Variants in WWOX observed in about 807,000 individuals in gnomAD.
The protein encoded by WWOX is WW domain-containing oxidoreductase.
A neutral mutation model predicts 46.2 loss-of-function variants in WWOX; 69 were observed. The ratio of observed to expected loss-of-function variants is 1.49; its 90% CI spans 1.23 to 1.82. The LOEUF (loss-of-function observed/expected upper bound fraction) is 1.82. Among genes scored for constraint, WWOX ranks in the 40% most tolerant of loss-of-function variants. The probability of loss-of-function intolerance (pLI) is 0.00; values close to 1 mark genes in which losing one functional copy is unlikely to be tolerated. For missense variants in WWOX, 919 were observed against 542.6 expected, an observed-to-expected ratio of 1.69 and a Z score of -6.89; for synonymous variants, 359 against 202.6, an observed-to-expected ratio of 1.77 and a Z score of -6.56.
At chr16:78,448,027 C>T (rs2083601690) in intron 8 of WWOX, among the ~76,000 whole-genome samples, 1 of 152,136 alleles carries the variant, frequency 6.6e-6, no homozygotes, top group African/African-American at 2.4e-5. Context: ...TGGTCTTGAA[C>T]TCCTGACCTC....
At chr16:78,431,338 A>C (rs1354211647) in intron 7 of WWOX, among the ~76,000 whole-genome samples, 1 of 152,162 alleles carries the variant, frequency 6.6e-6, no homozygotes, top group African/African-American at 2.4e-5. Context: ...ATGGTACCTC[A>C]CCAAGGTTAT....
intron 5 of WWOX, among the ~76,000 whole-genome samples, chr16:78,203,903 G>C (rs78909009): frequency 0.017 from 2,663 of 152,292 alleles, 81 homozygotes; most frequent in African/African-American, 0.061. Context: ...TTTGAGAGTG[G>C]GCCTGGGCTA....
chr16:78,527,386 T>G (rs985569740), intron 8 of WWOX, among the ~76,000 whole-genome samples: 6 of 150,912 alleles, frequency 4.0e-5, no homozygotes, highest in Non-Finnish European at 8.8e-5. Flanking sequence ...CTCTGCCTCC[T>G]GTAATCAAGA....
intron 8 of WWOX, among the ~76,000 whole-genome samples, chr16:78,696,072 C>A (rs538401480): frequency 6.6e-6 from 1 of 152,172 alleles, no homozygotes; most frequent in Non-Finnish European, 1.5e-5. Context: ...GATTCTGATA[C>A]ACGGTCAAGT....
intron 8 of WWOX, among the ~76,000 whole-genome samples, chr16:78,665,554 A>G (rs2047310786): frequency 6.6e-6 from 1 of 152,094 alleles, no homozygotes; most frequent in Non-Finnish European, 1.5e-5. Flanking sequence ...CTGCTGCATC[A>G]TAATCTCCTT....
At chr16:78,150,786 G>T (rs2034377927) in intron 4 of WWOX, among the ~76,000 whole-genome samples, 1 of 152,202 alleles carries the variant, frequency 6.6e-6, no homozygotes, top group African/African-American at 2.4e-5. Flanking sequence ...CCCCCAAGGC[G>T]GGGAATGTGG....
At chr16:78,825,749 C>T (rs770559440) in intron 8 of WWOX, 4 of 586,754 alleles carry the variant, frequency 6.8e-6, no homozygotes, top group African/African-American at 5.6e-5. Context: ...CCTGATGATC[C>T]CCAGCGGAGA....
intron 8 of WWOX, among the ~76,000 whole-genome samples, chr16:79,210,959 T>C (rs2051715430): frequency 6.6e-6 from 1 of 152,184 alleles, no homozygotes; most frequent in Non-Finnish European, 1.5e-5. Context: ...ATATGACATT[T>C]AGAAAAAGGT....
intron 8 of WWOX, among the ~76,000 whole-genome samples, chr16:79,192,294 C>T (rs568753388): frequency 2.3e-4 from 34 of 150,284 alleles, no homozygotes; most frequent in African/African-American, 8.2e-4. Context: ...CTGTTATTTT[C>T]GCAGTGATTC....
chr16:79,073,602 T>A (rs12446495), intron 8 of WWOX, among the ~76,000 whole-genome samples: 3 of 152,126 alleles, frequency 2.0e-5, no homozygotes, highest in African/African-American at 7.2e-5. Flanking sequence ...CTGAGTGTCT[T>A]CAAATGTCTG....
At chr16:78,936,870 A>T (rs1597175319) in intron 8 of WWOX, among the ~76,000 whole-genome samples, 1 of 152,158 alleles carries the variant, frequency 6.6e-6, no homozygotes, top group Non-Finnish European at 1.5e-5. Context: ...CTTTAACTTG[A>T]AGTATTACAG....
chr16:78,371,542 A>C (rs1031126767), intron 5 of WWOX, among the ~76,000 whole-genome samples: 1 of 151,870 alleles, frequency 6.6e-6, no homozygotes, highest in Non-Finnish European at 1.5e-5. Context: ...ACTTATTTCT[A>C]TTATAAATGG....
chr16:78,905,579 C>T (rs936503955), intron 8 of WWOX, among the ~76,000 whole-genome samples: 1 of 152,024 alleles, frequency 6.6e-6, no homozygotes, highest in African/African-American at 2.4e-5. Flanking sequence ...TGGGGTCTCA[C>T]CATATTGACC....
At chr16:78,192,404 A>G (rs1200431174) in intron 5 of WWOX, among the ~76,000 whole-genome samples, 1 of 150,298 alleles carries the variant, frequency 6.7e-6, no homozygotes, top group African/African-American at 2.5e-5. Context: ...AGGCAGGAGA[A>G]TCACTTGAAC....
chr16:79,083,049 T>A (rs559782509), intron 8 of WWOX, among the ~76,000 whole-genome samples: 1 of 152,326 alleles, frequency 6.6e-6, no homozygotes, highest in Admixed American at 6.5e-5. Context: ...GCCTCTTGTT[T>A]CAGCCATTTT....
At chr16:78,974,736 C>G (rs924776052) in intron 8 of WWOX, among the ~76,000 whole-genome samples, 7 of 152,180 alleles carry the variant, frequency 4.6e-5, no homozygotes, top group Non-Finnish European at 8.8e-5. Flanking sequence ...CCAAGACCCA[C>G]ACTTGGTCTC....
At chr16:78,647,843 C>T (rs1434549464) in intron 8 of WWOX, among the ~76,000 whole-genome samples, 1 of 152,162 alleles carries the variant, frequency 6.6e-6, no homozygotes, top group African/African-American at 2.4e-5. Context: ...ATATTTCTGG[C>T]TTTGGGGGAT....
intron 5 of WWOX, among the ~76,000 whole-genome samples, chr16:78,195,559 C>T (rs1276614358): frequency 1.3e-5 from 2 of 152,026 alleles, no homozygotes; most frequent in Non-Finnish European, 2.9e-5. Context: ...GAGCGGCTCA[C>T]ACCTGTAATC....
rs924925006 is a variant in WWOX at position 79,050,602 on chromosome 16, C to G, written c.1057-161006C>G. ...CAGAGAGGAGGGTGAAGAATGGGCC[C>G]CTGACCCAAGACTGCACTTGTATTT... On this transcript the variant is annotated intron_variant, in intron 8 of 8. Coordinates refer to ENST00000566780, the MANE Select transcript of WWOX (RefSeq NM_016373.4). Among the ~76,000 whole-genome samples the G allele has an allele frequency of 3.3e-5, 5 of 152,266 alleles. No homozygotes were observed. The East Asian group carries it at 5.8e-4, about 18-fold the overall frequency.
Sources: gnomAD v4.1 joint callset for allele counts (sites outside exome capture counted in the v4.1 genomes callset) on GRCh38, gnomAD v4.1.1 for gene constraint, MANE v1.5 for transcripts, NCBI Gene and HGNC (gene_info 2026-07-23, HGNC 2026-07-21) for gene names.